Variants in ARMC2 observed in about 807,000 individuals in gnomAD.
The protein encoded by ARMC2 is armadillo repeat-containing protein 2.
ARMC2 carries 67 observed loss-of-function variants against 90.3 expected under a neutral mutation model. The observed-to-expected ratio is 0.74, with a 90% CI of 0.61 to 0.91. The LOEUF (loss-of-function observed/expected upper bound fraction) is 0.91, where lower values mean the gene tolerates loss of function less well. ARMC2 is among the 40% of genes least tolerant of loss of function. ARMC2 has a pLI of 0.00. For missense variants in ARMC2, 920 were observed against 1,030.9 expected, an observed-to-expected ratio of 0.89 and a Z score of 1.47; for synonymous variants, 393 against 393.0, an observed-to-expected ratio of 1.00 and a Z score of 0.00.
intron 10 of ARMC2, among the ~76,000 whole-genome samples, chr6:108,915,980 G>T (rs555306359): frequency 6.6e-6 from 1 of 152,302 alleles, no homozygotes; most frequent in East Asian, 1.9e-4. Flanking sequence ...CAGTTAAGAG[G>T]CATTGCTGCA....
the ARMC2 span, among the ~76,000 whole-genome samples, chr6:109,012,480 CA>C: frequency 6.6e-6 from 1 of 152,132 alleles, no homozygotes; most frequent in Non-Finnish European, 1.5e-5. Flanking sequence ...TTCTGAAGAG[CA>C]AGCTGATAAT....
chr6:109,041,718 G>A, the ARMC2 span, among the ~76,000 whole-genome samples: 5 of 151,848 alleles, frequency 3.3e-5, no homozygotes, highest in Middle Eastern at 6.3e-3. Context: ...CTGGTAGTAC[G>A]GAAAGGAGAA....
chr6:108,952,269 A>T (rs1020254933), intron 12 of ARMC2, among the ~76,000 whole-genome samples: 1 of 152,242 alleles, frequency 6.6e-6, no homozygotes. Context: ...TTAGTTTTAA[A>T]ATGTTCCCAG....
chr6:108,928,995 A>G (rs1775317542), intron 11 of ARMC2, among the ~76,000 whole-genome samples: 1 of 152,074 alleles, frequency 6.6e-6, no homozygotes, highest in Non-Finnish European at 1.5e-5. Context: ...AATGAATGTC[A>G]ACTTGTATTA....
chr6:109,035,904 T>C, the ARMC2 span, among the ~76,000 whole-genome samples: 6 of 152,184 alleles, frequency 3.9e-5, no homozygotes, highest in African/African-American at 7.2e-5. Context: ...ACTGCACCAC[T>C]ATCACATATT....
rs754869485 is a variant in ARMC2 at position 108,911,045 on chromosome 6, A to T, written c.1126+44A>T. ...TACTATTGAGCAAATGCTGTACTTG[A>T]GTAAAAATTAGAAGTCTGGAGAGAA... On this transcript the variant is annotated intron_variant, in intron 9 of 17. Transcript: ENST00000392644. 1.4e-5 allele frequency: 17 copies of T among 1,191,538 alleles called. No homozygotes were observed. The East Asian group carries it at 3.9e-4, about 27-fold the overall frequency. 73.8% of individuals were successfully genotyped at this position (1,191,538 alleles called of 1,614,324 possible). A position where few individuals can be genotyped will look rare whatever the true frequency, so the allele number is the denominator to read the frequency against.
the ARMC2 span, chr6:108,998,370 C>G: frequency 3.4e-6 from 3 of 881,002 alleles, no homozygotes; most frequent in Non-Finnish European, 3.4e-6. Flanking sequence ...GTCAATAAAA[C>G]CCTACTGAAT....
intron 5 of ARMC2, among the ~76,000 whole-genome samples, chr6:108,893,775 G>A (rs1487184498): frequency 6.6e-6 from 1 of 152,246 alleles, no homozygotes; most frequent in Non-Finnish European, 1.5e-5. Flanking sequence ...CCAGCACTTT[G>A]GGAGGCTGAG....
intron 3 of ARMC2, among the ~76,000 whole-genome samples, chr6:108,866,247 T>G (rs1775805967): frequency 1.3e-5 from 2 of 152,222 alleles, no homozygotes; most frequent in Non-Finnish European, 2.9e-5. Context: ...AGAAAACACC[T>G]ATTTTCCTGT....
chr6:108,967,660 TAC>T, intron 17 of ARMC2, among the ~76,000 whole-genome samples: 1 of 152,360 alleles, frequency 6.6e-6, no homozygotes. Context: ...TTATAATACC[TAC>T]AGTGTGAACG....
chr6:108,866,931 G>C (rs1487433966), intron 3 of ARMC2, among the ~76,000 whole-genome samples: 1 of 152,026 alleles, frequency 6.6e-6, no homozygotes, highest in Non-Finnish European at 1.5e-5. Flanking sequence ...CCCTAATATA[G>C]ATGTCTATGT....
At chr6:108,935,074 G>A (rs556090489) in intron 11 of ARMC2, among the ~76,000 whole-genome samples, 7 of 152,052 alleles carry the variant, frequency 4.6e-5, no homozygotes, top group Admixed American at 6.6e-5. Flanking sequence ...AGTTGAAACC[G>A]TATCCTGGCT....
rs569284399 is a variant in ARMC2 at position 108,928,809 on chromosome 6, TC to T, written c.1496+579del. Among the ~76,000 whole-genome samples the T allele has an allele frequency of 6.6e-5, 10 of 152,298 alleles. No homozygotes were observed. In the South Asian group the frequency reaches 2.1e-3, roughly 32 times the overall value. ...CTTTGAATTATGCATTTCTGTTTCC[TC>T]CCGCGCTGCTCTTTGTCAGTATTTT... On this transcript the variant is annotated intron_variant, in intron 11 of 17. Transcript: ENST00000392644.
intron 10 of ARMC2, among the ~76,000 whole-genome samples, chr6:108,913,746 T>C (rs1349906340): frequency 6.6e-6 from 1 of 152,190 alleles, no homozygotes; most frequent in East Asian, 1.9e-4. Context: ...CTTTTAATAG[T>C]CACTTTTGTT....
At chr6:109,002,021 G>T in the ARMC2 span, among the ~76,000 whole-genome samples, 1 of 151,034 alleles carries the variant, frequency 6.6e-6, no homozygotes. Context: ...AGCAGATGTT[G>T]TATCACTGGT....
the ARMC2 span, among the ~76,000 whole-genome samples, chr6:109,049,341 G>A: frequency 6.6e-6 from 1 of 152,124 alleles, no homozygotes; most frequent in East Asian, 1.9e-4. Flanking sequence ...TGATCTCATG[G>A]AAGTAAAAGG....
the ARMC2 span, among the ~76,000 whole-genome samples, chr6:109,020,175 G>T: frequency 2.0e-5 from 3 of 152,254 alleles, no homozygotes; most frequent in South Asian, 6.2e-4. Context: ...TGAGGCCTAA[G>T]CTTCTTCTTT....
the ARMC2 span, among the ~76,000 whole-genome samples, chr6:108,995,280 AAAGTAT>A: frequency 2.0e-5 from 3 of 152,222 alleles, no homozygotes; most frequent in African/African-American, 7.2e-5. Context: ...TAAGATACAC[AAAGTAT>A]AAGTGATTTT....
At chr6:108,955,002 T>G (rs1446324672) in intron 13 of ARMC2, among the ~76,000 whole-genome samples, 1 of 152,212 alleles carries the variant, frequency 6.6e-6, no homozygotes, top group East Asian at 1.9e-4. Flanking sequence ...TGGGTCCTCA[T>G]GTGCTGAAGA....
Sources: allele counts gnomAD v4.1 joint callset (sites outside exome capture counted in the v4.1 genomes callset), GRCh38; gene constraint gnomAD v4.1.1; transcripts MANE v1.5; gene names NCBI Gene and HGNC (gene_info 2026-07-23, HGNC 2026-07-21).